The following TNFRSF8 variants were observed in gnomAD, a reference collection of about 807,000 sequenced individuals.
The protein encoded by TNFRSF8 is tumor necrosis factor receptor superfamily member 8.
In TNFRSF8, 26 loss-of-function variants were observed where a neutral mutation model predicts 70.8. That is an observed-to-expected ratio of 0.37 (90% CI 0.27 to 0.51). TNFRSF8 has a LOEUF of 0.51. Among genes scored for constraint, TNFRSF8 ranks in the 20% least tolerant of loss-of-function variants. TNFRSF8 has a pLI of 0.94. For synonymous variants in TNFRSF8, 356 were observed against 339.2 expected, an observed-to-expected ratio of 1.05 and a Z score of -0.54; for missense variants, 720 against 807.9, an observed-to-expected ratio of 0.89 and a Z score of 1.32.
Position 12,112,035 on chromosome 1 carries a change from C to G in TNFRSF8, c.793+21C>G. 6.3e-7 allele frequency: 1 copy of G among 1,585,092 alleles called. No homozygotes were observed. Among genetic ancestry groups the G allele is most frequent in the Non-Finnish European group, 8.7e-7 (1 of 1,155,154 alleles). ...TCGAGGTAAGGGCCTCGTCCCTCCCCGGGCCTCAGTTTACCTCTCTGCATT... is the reference window on the plus strand; with the variant it reads ...TCGAGGTAAGGGCCTCGTCCCTCCCGGGGCCTCAGTTTACCTCTCTGCATT... On this transcript the variant is annotated intron_variant, in intron 7 of 14. Transcript: ENST00000263932. This position sits in a 1 kb window ranked among gnomAD's most constrained non-coding sequence, Gnocchi z 5.3.
Position 12,084,546 on chromosome 1 carries a change from C to T in TNFRSF8, c.146C>T (p.Pro49Leu). The T allele has an allele frequency of 6.2e-7, 1 of 1,613,866 alleles. No homozygotes were observed. Among genetic ancestry groups the T allele is most frequent in the Non-Finnish European group, 8.5e-7 (1 of 1,179,902 alleles). ...KAVRRCCYRC[P>L]MGLFPTQQCP... ...GTCAGGAGGTGCTGTTACCGCTGCC[C>T]CATGGGTGAGTGGGGGCGTTGGGGG... is the stretch of plus-strand genomic sequence containing the variant. Residue 49 changes from proline (P) to leucine (L), a missense_variant, in exon 2 of 15, where the codon CCC (proline) becomes CTC (leucine). Physicochemically the swap from Pro to Leu is moderately conservative, Grantham distance 98 (BLOSUM62 -3). Transcript: ENST00000263932.
chr1:12,082,738 C>T (rs939136128), intron 1 of TNFRSF8, among the ~76,000 whole-genome samples: 1 of 152,040 alleles, frequency 6.6e-6, no homozygotes, highest in Non-Finnish European at 1.5e-5. Flanking sequence ...CTAAGTGACA[C>T]TGAGTGGGCA....
At chr1:12,139,777 G>A (rs1389851040) in intron 14 of TNFRSF8, among the ~76,000 whole-genome samples, 2 of 152,172 alleles carry the variant, frequency 1.3e-5, no homozygotes, top group East Asian at 3.8e-4. Context: ...TGGGATTATG[G>A]GCGAGTGTCA....
rs2230623 is a variant in TNFRSF8 at position 12,111,992 on chromosome 1, G to A, written c.771G>A (p.Thr257=). The A allele has an allele frequency of 3.6e-3, 5,864 of 1,614,148 alleles. 159 individuals are homozygous for A. In the African/African-American group the frequency reaches 0.063, roughly 17 times the overall value. ...DYYLDEAGRC[T]ACVSCSRDDL... ...ACCTGGACGAGGCCGGCCGCTGCAC[G>A]GCCTGCGTGAGCTGTTCTCGAGGTA... Residue 257 remains threonine (T), a synonymous_variant, in exon 7 of 15, where the codon ACG becomes ACA. Transcript: ENST00000263932.
intron 1 of TNFRSF8, among the ~76,000 whole-genome samples, chr1:12,077,722 G>T (rs1327260864): frequency 6.6e-6 from 1 of 152,174 alleles, no homozygotes; most frequent in Non-Finnish European, 1.5e-5. Flanking sequence ...ACCAGTGCAG[G>T]CAGGGAAACA....
chr1:12,131,987 T>C (rs1157342883), intron 12 of TNFRSF8, among the ~76,000 whole-genome samples: 2 of 151,466 alleles, frequency 1.3e-5, no homozygotes, highest in Admixed American at 1.3e-4. Flanking sequence ...AGAGATGGGG[T>C]TTCACCAGGT....
chr1:12,104,615 TC>T, intron 4 of TNFRSF8, 84 bp downstream of exon 4: 1 of 1,528,096 alleles, frequency 6.5e-7, no homozygotes, highest in Non-Finnish European at 9.0e-7. Flanking sequence ...ACTGTTGACT[TC>T]CGACCTCCCG....
chr1:12,109,744 T>C lies in TNFRSF8; in HGVS notation c.512+88T>C, dbSNP rs1304058112. On this transcript the variant is annotated intron_variant, in intron 5 of 14. Coordinates refer to ENST00000263932, the MANE Select transcript of TNFRSF8 (RefSeq NM_001243.5). This position sits in a 1 kb window ranked among gnomAD's most constrained non-coding sequence, Gnocchi z 4.4. ...CCCCACAGGACGCCCATGGTACAAC[T>C]GGGCTGGGGGTGTAAGCGGGATTCA... 8.4e-7 allele frequency: 1 copy of C among 1,188,826 alleles called. No homozygotes were observed. The highest frequency in any genetic ancestry group is 1.2e-6 in the Non-Finnish European group (1 of 812,780). 73.6% of individuals were successfully genotyped at this position (1,188,826 alleles called of 1,614,324 possible).
At chr1:12,128,835 T>C (rs1322447164) in intron 12 of TNFRSF8, among the ~76,000 whole-genome samples, 1 of 129,654 alleles carries the variant, frequency 7.7e-6, no homozygotes, top group Non-Finnish European at 1.7e-5. Context: ...CTAAAATTCT[T>C]TTTTTTTTTT....
At chr1:12,100,869 A>G (rs1239003191) in intron 3 of TNFRSF8, among the ~76,000 whole-genome samples, 1 of 151,884 alleles carries the variant, frequency 6.6e-6, no homozygotes, top group Non-Finnish European at 1.5e-5. Flanking sequence ...AGGCAGGAGA[A>G]TTGCTTGAAC....
chr1:12,125,333 C>G (rs1296359022), intron 10 of TNFRSF8, among the ~76,000 whole-genome samples: 1 of 152,172 alleles, frequency 6.6e-6, no homozygotes, highest in South Asian at 2.1e-4. Flanking sequence ...CTGGCCTGGG[C>G]TGGGGCTCTG....
intron 2 of TNFRSF8, among the ~76,000 whole-genome samples, chr1:12,089,514 C>T (rs1319836695): frequency 6.6e-6 from 1 of 151,984 alleles, no homozygotes; most frequent in Non-Finnish European, 1.5e-5. Flanking sequence ...CACCAGGGTT[C>T]TTTTGTATAG....
chr1:12,135,489 C>A, intron 12 of TNFRSF8, 99 bp from the exon 13 acceptor site: 1 of 1,555,690 alleles, frequency 6.4e-7, no homozygotes, highest in South Asian at 1.2e-5. Context: ...GAGTTCAGCA[C>A]CACCTGTGAT....
chr1:12,068,979 C>A (rs1423516509), intron 1 of TNFRSF8, among the ~76,000 whole-genome samples: 1 of 151,286 alleles, frequency 6.6e-6, no homozygotes, highest in Admixed American at 6.6e-5. Context: ...TCAAGCAATT[C>A]TCCTGCCTCA....
At chr1:12,087,871 C>G (rs550985101) in intron 2 of TNFRSF8, among the ~76,000 whole-genome samples, 56 of 152,294 alleles carry the variant, frequency 3.7e-4, no homozygotes, top group Non-Finnish European at 6.8e-4. Flanking sequence ...CTTCCCCTCT[C>G]TAAGGCCCAG....
At chr1:12,098,319 C>T (rs1641365206) in intron 3 of TNFRSF8, among the ~76,000 whole-genome samples, 1 of 152,124 alleles carries the variant, frequency 6.6e-6, no homozygotes, top group Non-Finnish European at 1.5e-5. Context: ...GTAATGACTG[C>T]ATTTTATGAA....
chr1:12,094,233 G>A (rs1306235858), intron 2 of TNFRSF8, among the ~76,000 whole-genome samples: 5 of 152,286 alleles, frequency 3.3e-5, no homozygotes, highest in Non-Finnish European at 5.9e-5. Context: ...TGAAGGGCAA[G>A]GAAATGAGTC....
At position 12,123,791 on chromosome 1, in the gene TNFRSF8, G is replaced by A. The variant is rs775088710; in HGVS notation, c.1117G>A (p.Ala373Thr). 1.4e-4 allele frequency: 228 copies of A among 1,576,138 alleles called. 1 individual carries two copies. The highest frequency in any genetic ancestry group is 2.2e-4 in the South Asian group (19 of 85,784). Residue 373 changes from alanine (A) to threonine (T), a missense_variant, in exon 10 of 15, where the codon GCT becomes ACT. Ala to Thr is a moderately conservative substitution (Grantham distance 58). Transcript: ENST00000263932. ...TLPIPTSAPV[A>T]LSSTGKPVLD... Reference sequence around the variant, plus strand: ...GCCCATCCCAACCAGCGCTCCCGTCGCTCTCTCCTCCACGGGGAAGCCCGT... The same window carrying A: ...GCCCATCCCAACCAGCGCTCCCGTCACTCTCTCCTCCACGGGGAAGCCCGT...
At chr1:12,132,206 A>T (rs988762679) in intron 12 of TNFRSF8, among the ~76,000 whole-genome samples, 1 of 152,252 alleles carries the variant, frequency 6.6e-6, no homozygotes, top group Non-Finnish European at 1.5e-5. Flanking sequence ...AGCATCGTTC[A>T]TTTGTCAAAA....
Sources: allele counts gnomAD v4.1 joint callset (sites outside exome capture counted in the v4.1 genomes callset), GRCh38; gene constraint gnomAD v4.1.1; non-coding constraint Gnocchi (gnomAD v3.1); transcripts MANE v1.5; gene names NCBI Gene and HGNC (gene_info 2026-07-23, HGNC 2026-07-21).